TJP2: variants seen among roughly 807,000 people sequenced by gnomAD.
TJP2 encodes Friedreich ataxia region gene X104 (tight junction protein ZO-2).
Under a neutral mutation model 133.1 loss-of-function variants are expected in TJP2, and 91 were observed. The ratio of observed to expected loss-of-function variants is 0.68; its 90% confidence interval spans 0.58 to 0.81. TJP2 has a LOEUF of 0.81. TJP2 is among the 40% of genes least tolerant of loss of function. The pLI, the probability that TJP2 is intolerant of heterozygous loss-of-function variation, is 0.00. For synonymous variants in TJP2, 592 were observed against 583.4 expected (o/e 1.01, Z -0.21); for missense variants, 1,541 against 1,565.6 (o/e 0.98, Z 0.26).
chr9:69,201,433 A>C (rs1330118079), intron 1 of TJP2, among the ~76,000 whole-genome samples: 1 of 130,228 alleles, frequency 7.7e-6, no homozygotes, highest in African/African-American at 3.0e-5. Flanking sequence ...CCTTCTCCCC[A>C]CCCCGCTAAT....
At position 69,212,539 on chromosome 9, in the gene TJP2, T is replaced by G; in HGVS notation, c.61-9T>G. The G allele has an allele frequency of 6.2e-7, 1 of 1,611,486 alleles. No homozygotes were observed. ...TTTTCATCAGATTGGTTTTGTTCTTTTAAAACAGGCCCCAGGCATGGAAGA... is the reference window on the plus strand; with the variant it reads ...TTTTCATCAGATTGGTTTTGTTCTTGTAAAACAGGCCCCAGGCATGGAAGA... On this transcript the variant is annotated splice_polypyrimidine_tract_variant and intron_variant, in intron 1 of 22. Transcript: ENST00000377245.
intron 1 of TJP2, among the ~76,000 whole-genome samples, chr9:69,142,416 G>C (rs1823054403): frequency 6.6e-6 from 1 of 152,010 alleles, no homozygotes; most frequent in Non-Finnish European, 1.5e-5. Flanking sequence ...TGTATTGGTG[G>C]GGCATCTGAG....
At chr9:69,149,075 A>T (rs1038726622) in intron 1 of TJP2, among the ~76,000 whole-genome samples, 88 of 152,262 alleles carry the variant, frequency 5.8e-4, no homozygotes, top group African/African-American at 2.1e-3. Context: ...AATATATTTT[A>T]TTTCTTTCTG....
At chr9:69,248,383 T>C in intron 19 of TJP2, 159 bp downstream of exon 19, 12 of 1,438,474 alleles carry the variant, frequency 8.3e-6, no homozygotes, top group Non-Finnish European at 1.0e-5. Context: ...GCTGGCATGG[T>C]TGCAGTCTGT....
chr9:69,133,530 T>C (rs975260503), intron 1 of TJP2, among the ~76,000 whole-genome samples: 17 of 146,384 alleles, frequency 1.2e-4, no homozygotes, highest in African/African-American at 3.7e-4. Context: ...AATGCTTTCC[T>C]GTTTCATTTT....
intron 1 of TJP2, among the ~76,000 whole-genome samples, chr9:69,177,762 A>G: frequency 6.6e-6 from 1 of 151,780 alleles, no homozygotes; most frequent in East Asian, 1.9e-4. Context: ...CTCTTGCTTC[A>G]GCCTTCAAAG....
chr9:69,163,451 C>T (rs2132866143), intron 2 of TJP2, among the ~76,000 whole-genome samples: 1 of 152,208 alleles, frequency 6.6e-6, no homozygotes, highest in South Asian at 2.1e-4. Flanking sequence ...GCCTGGGTAA[C>T]ATGGCGAAAC....
At chr9:69,250,113 TA>T (rs1831222251) in intron 20 of TJP2, among the ~76,000 whole-genome samples, 2 of 152,224 alleles carry the variant, frequency 1.3e-5, no homozygotes, top group Non-Finnish European at 2.9e-5. Context: ...TTATTATTAC[TA>T]TTTTTTGAGA....
In TJP2 at chr9:69,254,480, C is replaced by T. The variant is rs760148203; in HGVS notation, c.*106C>T. On this transcript the variant is annotated 3_prime_UTR_variant, in exon 23 of 23. Transcript: ENST00000377245. ...CTCCAGTTAGAATGCACCATGGAGACGTGGTGGGACTCCAGCTCGTGTGTC... is the reference window on the plus strand; with the variant it reads ...CTCCAGTTAGAATGCACCATGGAGATGTGGTGGGACTCCAGCTCGTGTGTC... 1.9e-5 allele frequency: 27 copies of T among 1,428,918 alleles called. No homozygotes were observed. The highest frequency in any genetic ancestry group is 7.2e-5 in the Admixed American group (4 of 55,808). The allele number at this position is 1,428,918 out of a possible 1,614,324, so 88.5% of individuals were successfully genotyped here.
At chr9:69,215,096 A>G (rs1459597342) in intron 2 of TJP2, among the ~76,000 whole-genome samples, 1 of 152,216 alleles carries the variant, frequency 6.6e-6, no homozygotes. Flanking sequence ...GTTCTCACTT[A>G]GAAGTGGGAG....
chr9:69,200,586 A>T (rs1235664508), intron 1 of TJP2, among the ~76,000 whole-genome samples: 1 of 151,962 alleles, frequency 6.6e-6, no homozygotes, highest in East Asian at 1.9e-4. Context: ...TAGAGATAGG[A>T]TCTTGCTTTG....
intron 21 of TJP2, 140 bp downstream of exon 21, chr9:69,251,504 T>C: frequency 1.1e-6 from 1 of 874,736 alleles, no homozygotes; most frequent in Non-Finnish European, 1.8e-6. Context: ...TGTATGTCAC[T>C]TCAGATTGCC....
chr9:69,252,983 A>C (rs1020378816), intron 22 of TJP2, 83 bp downstream of exon 22: 17 of 1,309,110 alleles, frequency 1.3e-5, no homozygotes, highest in Admixed American at 7.5e-5. Context: ...CTTTACCCAA[A>C]TTTCAGAGTA....
At position 69,251,066 on chromosome 9, in the gene TJP2, A is replaced by G; in HGVS notation, c.3023A>G (p.Asp1008Gly). Residue 1008 changes from aspartate (D) to glycine (G), a missense_variant, in exon 21 of 23, where the codon GAC becomes GGC. Transcript: ENST00000377245. ...ACCCAGAACAAAGAAGAATCCTATG[A>G]CTTCTCCAAATCCTATGAATATAAG... ...AKTQNKEESYDFSKSYEYKSN... is the reference protein window; with the variant it reads ...AKTQNKEESYGFSKSYEYKSN... The G allele has an allele frequency of 1.2e-6, 2 of 1,614,188 alleles. No homozygotes were observed. Among genetic ancestry groups the G allele is most frequent in the Non-Finnish European group, 8.5e-7 (1 of 1,180,032 alleles).
At chr9:69,216,716 C>G in intron 3 of TJP2, among the ~76,000 whole-genome samples, 2 of 152,186 alleles carry the variant, frequency 1.3e-5, no homozygotes, top group East Asian at 1.9e-4. Flanking sequence ...CCAAACATCC[C>G]TCCTAGGTTT....
intron 2 of TJP2, among the ~76,000 whole-genome samples, chr9:69,159,265 G>A (rs1271464755): frequency 1.3e-5 from 2 of 152,224 alleles, no homozygotes; most frequent in South Asian, 2.1e-4. Flanking sequence ...AGACTGCAAT[G>A]AGCCAAGATT....
intron 12 of TJP2, among the ~76,000 whole-genome samples, chr9:69,235,809 T>C (rs1830145827): frequency 6.6e-6 from 1 of 152,196 alleles, no homozygotes; most frequent in Non-Finnish European, 1.5e-5. Context: ...ACCTGGTTAT[T>C]TCATGGCCCA....
chr9:69,250,253 A>G (rs896244239), intron 20 of TJP2, among the ~76,000 whole-genome samples: 20 of 152,070 alleles, frequency 1.3e-4, no homozygotes, highest in African/African-American at 3.9e-4. Context: ...AGAGGTGTGC[A>G]CCACTATATT....
In TJP2 at chr9:69,254,984, T is replaced by C. The variant is rs1831595624; in HGVS notation, c.*610T>C. 1 of 210,510 alleles carries C rather than the reference T, an allele frequency of 4.8e-6. No homozygotes were observed. 13.0% of individuals were successfully genotyped at this position (210,510 alleles called of 1,614,324 possible). ...TTTCAAGGCATTTGTCTTTGTAATA[T>C]TTTCCATAAATTTGGACTGTCTATA... is the stretch of plus-strand genomic sequence containing the variant. On this transcript the variant is annotated 3_prime_UTR_variant, in exon 23 of 23. Transcript: ENST00000377245.
Sources: allele counts gnomAD v4.1 joint callset (sites outside exome capture counted in the v4.1 genomes callset), GRCh38; gene constraint gnomAD v4.1.1; transcripts MANE v1.5; gene names NCBI Gene and HGNC (gene_info 2026-07-23, HGNC 2026-07-21).